The following PAX5 variants were observed in gnomAD, a reference collection of about 807,000 sequenced individuals.
PAX5 encodes the protein paired box 5.
PAX5 carries 9 observed loss-of-function variants against 43.7 expected under a neutral mutation model. The observed-to-expected ratio is 0.21, with a 90% confidence interval of 0.12 to 0.36. The LOEUF is 0.36. Among genes scored for constraint, PAX5 ranks in the 10% least tolerant of loss-of-function variants. The probability of loss-of-function intolerance (pLI) is 1.00; values close to 1 mark genes in which losing one functional copy is unlikely to be tolerated. For missense variants in PAX5, 383 were observed against 532.7 expected (o/e 0.72, Z 2.77); for synonymous variants, 228 against 214.3 (o/e 1.06, Z -0.56).
chr9:36,920,803 C>CTTT lies in PAX5; in HGVS notation c.910+2549_910+2551dup, dbSNP rs58220286. On this transcript the variant is annotated intron_variant, in intron 7 of 9. Transcript: ENST00000358127. ...CTCAACCTGTATAGTATAGACATAG[C>CTTT]TTTTTTTTTTTTTTTTTTTTTTTTT... Among the ~76,000 whole-genome samples, 26 of 91,224 alleles carry CTTT rather than the reference C, an allele frequency of 2.9e-4. 3 individuals are homozygous for CTTT. The highest frequency in any genetic ancestry group is 4.1e-4 in the Non-Finnish European group (19 of 45,872). The allele number at this position is 91,224 out of a possible 152,430, so 59.8% of individuals were successfully genotyped here. A position where few individuals can be genotyped will look rare whatever the true frequency, so the allele number is the denominator to read the frequency against.
intron 7 of PAX5, among the ~76,000 whole-genome samples, chr9:36,916,742 T>A (rs1005809858): frequency 6.6e-6 from 1 of 152,126 alleles, no homozygotes; most frequent in Non-Finnish European, 1.5e-5. Flanking sequence ...TGGAATGCAG[T>A]GGCGTGATCT....
intron 3 of PAX5, among the ~76,000 whole-genome samples, chr9:37,010,503 A>C (rs1296021739): frequency 1.3e-5 from 2 of 152,144 alleles, no homozygotes; most frequent in Admixed American, 6.6e-5. Context: ...TTGGATTTCA[A>C]ACCCACTTAG....
chr9:36,956,356 A>G (rs1833475290), intron 6 of PAX5, among the ~76,000 whole-genome samples: 2 of 152,250 alleles, frequency 1.3e-5, no homozygotes. Flanking sequence ...AAAGAGTGGA[A>G]CAGACAGGAG....
At chr9:37,000,805 C>G (rs1193796328) in intron 5 of PAX5, among the ~76,000 whole-genome samples, 2 of 152,192 alleles carry the variant, frequency 1.3e-5, no homozygotes, top group Non-Finnish European at 2.9e-5. Context: ...GTGAAATCAC[C>G]TCTGCATCAG....
intron 1 of PAX5, among the ~76,000 whole-genome samples, chr9:37,021,645 A>T (rs1839862728): frequency 6.6e-6 from 1 of 152,218 alleles, no homozygotes; most frequent in East Asian, 1.9e-4. Flanking sequence ...GATAGATTTT[A>T]AGTAAAAGGA....
chr9:36,847,334 A>T (rs1822690117), intron 8 of PAX5, among the ~76,000 whole-genome samples: 1 of 152,252 alleles, frequency 6.6e-6, no homozygotes, highest in South Asian at 2.1e-4. Flanking sequence ...CTCATCCCTG[A>T]GTGAAGCCAA....
At chr9:36,870,970 G>T (rs1334647040) in intron 8 of PAX5, among the ~76,000 whole-genome samples, 1 of 152,148 alleles carries the variant, frequency 6.6e-6, no homozygotes, top group Non-Finnish European at 1.5e-5. Flanking sequence ...CTCCTCCTAG[G>T]ACTTCAGCCT....
chr9:36,911,724 C>T (rs1211050405), intron 7 of PAX5, among the ~76,000 whole-genome samples: 1 of 152,242 alleles, frequency 6.6e-6, no homozygotes, highest in Non-Finnish European at 1.5e-5. Context: ...AGGAGGCATG[C>T]CCCATGGAAA....
intron 5 of PAX5, among the ~76,000 whole-genome samples, chr9:36,976,564 A>C: frequency 6.6e-6 from 1 of 152,154 alleles, no homozygotes; most frequent in East Asian, 1.9e-4. Context: ...TGGAACAAAA[A>C]CAAATGTTCT....
At chr9:36,951,487 A>G (rs1490203885) in intron 6 of PAX5, among the ~76,000 whole-genome samples, 1 of 152,210 alleles carries the variant, frequency 6.6e-6, no homozygotes, top group Non-Finnish European at 1.5e-5. Context: ...GTCTTTGAGC[A>G]TACTTTGGGC....
At chr9:36,865,901 A>G (rs2131677037) in intron 8 of PAX5, among the ~76,000 whole-genome samples, 1 of 152,368 alleles carries the variant, frequency 6.6e-6, no homozygotes, top group Non-Finnish European at 1.5e-5. Context: ...GGCTGGGCAC[A>G]AAGGACGGCT....
intron 7 of PAX5, among the ~76,000 whole-genome samples, chr9:36,896,029 T>A (rs1473824587): frequency 6.6e-6 from 1 of 152,100 alleles, no homozygotes; most frequent in Non-Finnish European, 1.5e-5. Flanking sequence ...TCTGTAAATG[T>A]CCTCACCTGT....
At chr9:36,905,020 A>G (rs933370698) in intron 7 of PAX5, among the ~76,000 whole-genome samples, 4 of 152,258 alleles carry the variant, frequency 2.6e-5, no homozygotes, top group Non-Finnish European at 4.4e-5. Context: ...GATCAAGGGC[A>G]ATATGACTTC....
At chr9:37,027,668 G>A (rs1840550714) in intron 1 of PAX5, among the ~76,000 whole-genome samples, 2 of 152,180 alleles carry the variant, frequency 1.3e-5, no homozygotes, top group African/African-American at 4.8e-5. Context: ...CCACCGCGCC[G>A]CCCCGGAGCC....
chr9:37,002,547 A>T, intron 5 of PAX5, 101 bp downstream of exon 5: 1 of 1,281,388 alleles, frequency 7.8e-7, no homozygotes, highest in Non-Finnish European at 1.1e-6. Context: ...TCTGCAGGTA[A>T]GGGGGGTGTT....
chr9:36,927,113 A>C (rs542296897), intron 6 of PAX5, among the ~76,000 whole-genome samples: 1 of 152,302 alleles, frequency 6.6e-6, no homozygotes, highest in African/African-American at 2.4e-5. Context: ...ATGGTAGACT[A>C]GCTGGAACTC....
intron 8 of PAX5, among the ~76,000 whole-genome samples, chr9:36,869,847 AATGG>A (rs113287865): frequency 1.3e-4 from 15 of 117,894 alleles, no homozygotes; most frequent in African/African-American, 2.9e-4. Flanking sequence ...TGGATGGATA[AATGG>A]ATGGATGGAT....
At position 36,988,761 on chromosome 9, in the gene PAX5, T is replaced by C. The variant is rs539966983; in HGVS notation, c.604+13887A>G. Among the ~76,000 whole-genome samples, 45 of 152,054 alleles carry C rather than the reference T, an allele frequency of 3.0e-4. 1 individual carries two copies. In the South Asian group the frequency reaches 7.1e-3, roughly 24 times the overall value. ...ACGAGATCTTTTTGAGGAATCTAGA[T>C]TCAGAGTAAAAACACTTTGCTCTGA... On this transcript the variant is annotated intron_variant, in intron 5 of 9. Transcript: ENST00000358127.
At chr9:37,002,524 G>A (rs1325360261) in intron 5 of PAX5, 124 bp downstream of exon 5, 3 of 1,008,574 alleles carry the variant, frequency 3.0e-6, no homozygotes, top group Non-Finnish European at 4.3e-6. Flanking sequence ...GTGCGGGCCG[G>A]GGGACTCGCT....
Sources: gnomAD v4.1 joint callset for allele counts (sites outside exome capture counted in the v4.1 genomes callset) on GRCh38, gnomAD v4.1.1 for gene constraint, MANE v1.5 for transcripts, NCBI Gene and HGNC (gene_info 2026-07-23, HGNC 2026-07-21) for gene names.